The following MAP3K4 variants were observed in gnomAD, a reference collection of about 807,000 sequenced individuals.
The protein encoded by MAP3K4 is MAP three kinase 1.
Under a neutral mutation model 185.6 loss-of-function variants are expected in MAP3K4, and 67 were observed. The ratio of observed to expected loss-of-function variants is 0.36; its 90% confidence interval spans 0.30 to 0.44. MAP3K4 has a LOEUF of 0.44. Ranked by LOEUF, MAP3K4 falls within the 20% of genes least tolerant of loss-of-function variation. The pLI, the probability that MAP3K4 is intolerant of heterozygous loss-of-function variation, is 1.00. For missense variants in MAP3K4, 1,551 were observed against 1,995.1 expected, an observed-to-expected ratio of 0.78 and a Z score of 4.24; for synonymous variants, 702 against 710.4, an observed-to-expected ratio of 0.99 and a Z score of 0.19.
intron 1 of MAP3K4, chr6:160,992,463 C>T (rs961017401): frequency 3.8e-6 from 1 of 264,304 alleles, no homozygotes; most frequent in Non-Finnish European, 7.1e-6. Context: ...GAAAGTGGTC[C>T]CTCCCCTCTG....
rs1781682681 is a variant in MAP3K4 at position 161,008,140 on chromosome 6, T to C, written c.152+16057T>C. Among the ~76,000 whole-genome samples, 1 of 152,174 alleles carries C rather than the reference T, an allele frequency of 6.6e-6. No homozygotes were observed. The highest frequency in any genetic ancestry group is 1.5e-5 in the Non-Finnish European group (1 of 68,018). On this transcript the variant is annotated intron_variant, in intron 1 of 26. Coordinates refer to ENST00000392142, the MANE Select transcript of MAP3K4 (RefSeq NM_005922.4). The surrounding 1 kb of genome is among the most constrained non-coding windows in gnomAD (Gnocchi z 4.1). ...GATATTTATTATATAATATTTGATA[T>C]AACTTCAGTCTACCAGTAGGAACCT...
chr6:161,016,168 A>G (rs1404643323), intron 1 of MAP3K4, among the ~76,000 whole-genome samples: 1 of 152,072 alleles, frequency 6.6e-6, no homozygotes, highest in Non-Finnish European at 1.5e-5. Context: ...GACCATTTGT[A>G]TATCTTTTTT....
At chr6:161,066,994 G>A (rs1307407573) in intron 3 of MAP3K4, among the ~76,000 whole-genome samples, 4 of 152,174 alleles carry the variant, frequency 2.6e-5, no homozygotes, top group East Asian at 3.8e-4. Context: ...TACCAGAGGC[G>A]GTGGAGGGAA....
intron 1 of MAP3K4, among the ~76,000 whole-genome samples, chr6:161,030,977 T>C (rs1424018976): frequency 2.0e-5 from 3 of 152,238 alleles, no homozygotes; most frequent in Non-Finnish European, 4.4e-5. Context: ...CATATGACAT[T>C]TTCCTAACTC....
chr6:161,059,387 T>C lies in MAP3K4; in HGVS notation c.1707+9408T>C, dbSNP rs545829759. Among the ~76,000 whole-genome samples, 378 of 152,330 alleles carry C rather than the reference T, an allele frequency of 2.5e-3. 1 individual carries two copies. Among genetic ancestry groups the C allele is most frequent in the Non-Finnish European group, 4.6e-3 (315 of 68,036 alleles). Reference sequence around the variant, plus strand: ...CCTGGCCTCAAGTGATCTGCCTGCCTTGGTCTCCCAAAGTACTGGGATTAC... The same window carrying C: ...CCTGGCCTCAAGTGATCTGCCTGCCCTGGTCTCCCAAAGTACTGGGATTAC... On this transcript the variant is annotated intron_variant, in intron 3 of 26. Coordinates refer to ENST00000392142, the MANE Select transcript of MAP3K4 (RefSeq NM_005922.4).
intron 7 of MAP3K4, among the ~76,000 whole-genome samples, chr6:161,085,861 CT>C: frequency 6.6e-6 from 1 of 152,278 alleles, no homozygotes; most frequent in South Asian, 2.1e-4. Context: ...CTTCTCCCGG[CT>C]TGAGAGAGCT....
Position 161,048,607 on chromosome 6 carries a change from T to G in MAP3K4, c.344-9T>G. The G allele has an allele frequency of 6.5e-7, 1 of 1,542,660 alleles. No homozygotes were observed. The highest frequency in any genetic ancestry group is 8.7e-7 in the Non-Finnish European group (1 of 1,147,620). ...TATATAATGTTCTGTTTATTTTTTT[T>G]TTTAATAGAAAAAATGAATGCACCA... On this transcript the variant is annotated splice_polypyrimidine_tract_variant and intron_variant, in intron 2 of 26. Coordinates refer to ENST00000392142, the MANE Select transcript of MAP3K4 (RefSeq NM_005922.4). This position sits in a 1 kb window ranked among gnomAD's most constrained non-coding sequence, Gnocchi z 4.7.
At position 161,022,412 on chromosome 6, in the gene MAP3K4, C is replaced by T. The variant is rs993302053; in HGVS notation, c.153-11847C>T. On this transcript the variant is annotated intron_variant, in intron 1 of 26. Coordinates refer to ENST00000392142, the MANE Select transcript of MAP3K4 (RefSeq NM_005922.4). This position sits in a 1 kb window ranked among gnomAD's most constrained non-coding sequence, Gnocchi z 4.2. ...TCCAGAGTAATACCTTTATTTATAG[C>T]TGAGGAAATTTAGGATGGTTAAAAA... 6.6e-6 allele frequency among the ~76,000 whole-genome samples: 1 copy of T among 152,108 alleles called. No individual in the cohort carries two copies. Among genetic ancestry groups the T allele is most frequent in the Non-Finnish European group, 1.5e-5 (1 of 68,026 alleles).
rs1434759199 is a variant in MAP3K4 at position 161,067,819 on chromosome 6, G to GT, written c.1708-2788dup. ...CATATCCTCGTTTCTGTCATTAAGTGTATCTCAGTTATGCCAAGTATATGT... is the reference window on the plus strand; with the variant it reads ...CATATCCTCGTTTCTGTCATTAAGTGTTATCTCAGTTATGCCAAGTATATGT... On this transcript the variant is annotated intron_variant, in intron 3 of 26. Coordinates refer to ENST00000392142, the MANE Select transcript of MAP3K4 (RefSeq NM_005922.4). This position sits in a 1 kb window ranked among gnomAD's most constrained non-coding sequence, Gnocchi z 6.3. 1.3e-5 allele frequency among the ~76,000 whole-genome samples: 2 copies of GT among 152,212 alleles called. No individual in the cohort carries two copies. Among genetic ancestry groups the GT allele is most frequent in the Non-Finnish European group, 2.9e-5 (2 of 68,034 alleles).
In MAP3K4 at chr6:161,096,106, A is replaced by G. The variant is rs1268306682; in HGVS notation, c.3428-974A>G. Reference sequence around the variant, plus strand: ...ATAGCTAGGATAATGAATCAGAGACACAAATTGCCTGAGGGTTTTTTGTTA... The same window carrying G: ...ATAGCTAGGATAATGAATCAGAGACGCAAATTGCCTGAGGGTTTTTTGTTA... On this transcript the variant is annotated intron_variant, in intron 15 of 26. Transcript: ENST00000392142. The surrounding 1 kb of genome is among the most constrained non-coding windows in gnomAD (Gnocchi z 4.9). Among the ~76,000 whole-genome samples, 1 of 152,168 alleles carries G rather than the reference A, an allele frequency of 6.6e-6. No individual in the cohort carries two copies. The highest frequency in any genetic ancestry group is 1.5e-5 in the Non-Finnish European group (1 of 68,032).
In MAP3K4 at chr6:161,084,597, C is replaced by T; in HGVS notation, c.2352C>T (p.Ser784=). 3 of 1,605,646 alleles carry T rather than the reference C, an allele frequency of 1.9e-6. No homozygotes were observed. Among genetic ancestry groups the T allele is most frequent in the Non-Finnish European group, 1.7e-6 (2 of 1,172,334 alleles). The change falls in exon 7 of 27, where the codon AGC becomes AGT. Residue 784 remains serine, a synonymous_variant. Transcript: ENST00000392142. This position sits in a 1 kb window ranked among gnomAD's most constrained non-coding sequence, Gnocchi z 4.6. ...CAEFWTSADD[S]SASDEIRRSV... Reference sequence around the variant, plus strand: ...AATTTTGGACTAGTGCGGATGACAGCAGTGCTTCCGACGAAATCAGGTTGG... The same window carrying T: ...AATTTTGGACTAGTGCGGATGACAGTAGTGCTTCCGACGAAATCAGGTTGG...
intron 17 of MAP3K4, among the ~76,000 whole-genome samples, chr6:161,099,618 TGAAGA>T (rs926534963): frequency 6.6e-6 from 1 of 152,182 alleles, no homozygotes; most frequent in Non-Finnish European, 1.5e-5. Context: ...CAGTACAGAC[TGAAGA>T]GAAGTGATTT....
intron 2 of MAP3K4, among the ~76,000 whole-genome samples, chr6:161,045,008 A>G (rs1783657734): frequency 6.6e-6 from 1 of 152,148 alleles, no homozygotes. Flanking sequence ...GGAGGGGGCA[A>G]ATATACAAAC....
intron 1 of MAP3K4, chr6:160,992,361 G>A: frequency 2.1e-6 from 1 of 478,332 alleles, no homozygotes; most frequent in Non-Finnish European, 3.6e-6. Context: ...CACCCTCAAC[G>A]TTGCGGGGGC....
At chr6:161,113,534 A>G (rs578180341) in intron 25 of MAP3K4, among the ~76,000 whole-genome samples, 34 of 152,280 alleles carry the variant, frequency 2.2e-4, no homozygotes, top group African/African-American at 7.2e-4. Context: ...AGTTAACAGT[A>G]GTGCATTGAC....
chr6:161,062,478 A>C (rs866503466), intron 3 of MAP3K4, among the ~76,000 whole-genome samples: 1 of 152,196 alleles, frequency 6.6e-6, no homozygotes, highest in East Asian at 1.9e-4. Flanking sequence ...TTTAATTATT[A>C]TATCCCAGTC....
Position 161,076,466 on chromosome 6 carries a change from A to G in MAP3K4, c.2097+2854A>G, listed in dbSNP as rs1785183914. Among the ~76,000 whole-genome samples the G allele has an allele frequency of 6.6e-6, 1 of 152,198 alleles. No individual in the cohort carries two copies. The highest frequency in any genetic ancestry group is 1.5e-5 in the Non-Finnish European group (1 of 68,046). On this transcript the variant is annotated intron_variant, in intron 5 of 26. Transcript: ENST00000392142. The surrounding 1 kb of genome is among the most constrained non-coding windows in gnomAD (Gnocchi z 4.2). ...CATCCACTGTACTCGAAAAACTGAG[A>G]CACTTAAGCATGTAGGTCAAAGGAA...
chr6:161,089,682 A>C (rs1203386027), intron 11 of MAP3K4, among the ~76,000 whole-genome samples: 1 of 152,196 alleles, frequency 6.6e-6, no homozygotes, highest in African/African-American at 2.4e-5. Flanking sequence ...TGGAAAGGAT[A>C]GAGAATTGAA....
chr6:161,114,256 T>C lies in MAP3K4; in HGVS notation c.4627-867T>C, dbSNP rs181907105. On this transcript the variant is annotated intron_variant, in intron 25 of 26. Transcript: ENST00000392142. This position sits in a 1 kb window ranked among gnomAD's most constrained non-coding sequence, Gnocchi z 4.3. ...AAAATGTATCTTATGATGATAATAT[T>C]AATGAGCAGTTATACAAATGTAAAA... Among the ~76,000 whole-genome samples the C allele has an allele frequency of 2.6e-5, 4 of 152,328 alleles. No individual in the cohort carries two copies. In the East Asian group the frequency reaches 7.7e-4, roughly 29 times the overall value.
Sources: gnomAD v4.1 joint callset for allele counts (sites outside exome capture counted in the v4.1 genomes callset) on GRCh38, gnomAD v4.1.1 for gene constraint, Gnocchi (gnomAD v3.1) non-coding constraint, MANE v1.5 for transcripts, NCBI Gene and HGNC (gene_info 2026-07-23, HGNC 2026-07-21) for gene names.